Variants in SNRPN observed in about 807,000 individuals in gnomAD.
SNRPN encodes small nuclear ribonucleoprotein-associated protein N.
SNRPN carries 7 observed loss-of-function variants against 25.2 expected under a neutral mutation model. The ratio of observed to expected loss-of-function variants is 0.28; its 90% CI spans 0.16 to 0.52. The LOEUF (loss-of-function observed/expected upper bound fraction) is 0.52, where lower values mean the gene tolerates loss of function less well. Among genes scored for constraint, SNRPN ranks in the 20% least tolerant of loss-of-function variants. The pLI, the probability that SNRPN is intolerant of heterozygous loss-of-function variation, is 0.96. For missense variants in SNRPN, 196 were observed against 322.5 expected (o/e 0.61, Z 3.00); for synonymous variants, 124 against 110.6 (o/e 1.12, Z -0.76).
chr15:24,938,889 A>T (rs2061393415), intron 3 of SNRPN, among the ~76,000 whole-genome samples: 1 of 152,154 alleles, frequency 6.6e-6, no homozygotes, highest in African/African-American at 2.4e-5. Context: ...TGGGCTACAG[A>T]CTGGGATTGG....
intron 1 of SNRPN, among the ~76,000 whole-genome samples, chr15:24,876,685 T>A (rs902653583): frequency 6.6e-5 from 10 of 151,274 alleles, no homozygotes; most frequent in African/African-American, 2.4e-4. Flanking sequence ...ACAAAATGCA[T>A]GAGCATACAA....
intron 1 of SNRPN, among the ~76,000 whole-genome samples, chr15:24,878,183 C>T (rs1446958045): frequency 6.6e-6 from 1 of 152,212 alleles, no homozygotes; most frequent in South Asian, 2.1e-4. Flanking sequence ...TTCTTTAAAA[C>T]GCTTTCCAAT....
At chr15:24,954,627 G>A (rs1045153963), upstream of SNRPN, among the ~76,000 whole-genome samples, 3 of 152,194 alleles carry the variant, frequency 2.0e-5, no homozygotes, top group Admixed American at 6.5e-5. Context: ...TTTTTGTACC[G>A]CACATAGGAA....
At chr15:24,856,437 C>G (rs979347006), upstream of SNRPN, 1 of 152,268 alleles carries the variant, frequency 6.6e-6, no homozygotes, top group Non-Finnish European at 1.5e-5. Flanking sequence ...CCAGCAACCA[C>G]CAGAGGTGGC....
chr15:24,942,224 A>G (rs906457280), intron 3 of SNRPN: 1 of 152,192 alleles, frequency 6.6e-6, no homozygotes, highest in Admixed American at 6.5e-5. Context: ...TTGGTCAACT[A>G]GGGATATTTG....
At chr15:24,848,446 C>G (rs946125126) in intron 2 of SNRPN, 1 of 152,086 alleles carries the variant, frequency 6.6e-6, no homozygotes, top group Non-Finnish European at 1.5e-5. Flanking sequence ...TAAAATTTTC[C>G]TCTCTAGGTT....
chr15:24,843,816 C>CACACACACAG (rs1274107985), intron 2 of SNRPN, among the ~76,000 whole-genome samples: 1 of 149,794 alleles, frequency 6.7e-6, no homozygotes, highest in African/African-American at 2.5e-5. Context: ...CACACACACA[C>CACACACACAG]AGAAAACTTA....
rs192842977 is a variant in SNRPN at position 24,834,855 on chromosome 15, G to A, written c.-579+4950G>A. 3.3e-3 allele frequency among the ~76,000 whole-genome samples: 461 copies of A among 138,164 alleles called. 18 individuals carry two copies. The East Asian group carries it at 0.075, about 23-fold the overall frequency. 90.6% of individuals were successfully genotyped at this position (138,164 alleles called of 152,430 possible). A position where few individuals can be genotyped will look rare whatever the true frequency, so the allele number is the denominator to read the frequency against. ...GCAGGAGAATCGCTTGAATCTGGTA[G>A]GTGGAGGTTAAAGTGAGCTGAGAGT... On this transcript the variant is annotated intron_variant, in intron 2 of 12. Coordinates refer to the SNRPN transcript ENST00000400100.
intron 1 of SNRPN, among the ~76,000 whole-genome samples, chr15:24,870,154 A>T (rs1410575416): frequency 1.3e-5 from 2 of 152,132 alleles, no homozygotes; most frequent in Admixed American, 6.5e-5. Flanking sequence ...CAGGCACTAC[A>T]GGGTCCTCCA....
At chr15:24,957,313 G>C (rs555979338) in intron 1 of SNRPN, among the ~76,000 whole-genome samples, 12 of 152,274 alleles carry the variant, frequency 7.9e-5, no homozygotes, top group Admixed American at 4.6e-4. Context: ...AAAGCTGCAA[G>C]TTTTGTGCTC....
At chr15:24,871,243 A>G (rs767266457) in intron 1 of SNRPN, among the ~76,000 whole-genome samples, 9 of 151,916 alleles carry the variant, frequency 5.9e-5, no homozygotes, top group Admixed American at 5.9e-4. Flanking sequence ...TTGTATTATA[A>G]AGTTATGCAG....
chr15:24,930,460 A>G (rs1350861793), intron 3 of SNRPN, among the ~76,000 whole-genome samples: 2 of 151,860 alleles, frequency 1.3e-5, no homozygotes, highest in East Asian at 3.9e-4. Context: ...CCTTATTAGA[A>G]CTCAGCTTTG....
In SNRPN at chr15:24,888,786, C is replaced by T. The variant is rs951969532; in HGVS notation, c.-505+2197C>T. On this transcript the variant is annotated intron_variant, in intron 2 of 11. Coordinates refer to the SNRPN transcript ENST00000400097. ...AGTTTCCTCGTAAACACAAGAACAA[C>T]GTACTGCAATCAATGTAGGCATATA... Among the ~76,000 whole-genome samples, 27 of 152,286 alleles carry T rather than the reference C, an allele frequency of 1.8e-4. No homozygotes were observed. In the South Asian group the frequency reaches 3.7e-3, roughly 21 times the overall value.
intron 1 of SNRPN, among the ~76,000 whole-genome samples, chr15:24,880,888 G>A (rs2056512832): frequency 6.6e-6 from 1 of 152,038 alleles, no homozygotes; most frequent in South Asian, 2.1e-4. Flanking sequence ...CATTGCCCAG[G>A]CTGGTCTCGA....
rs2076818235 is a variant in SNRPN, at chr15:24,974,334, C to A, written c.-120C>A. The stretch of plus-strand genomic sequence containing the variant: ...AGGCTCCATCTACTCTTTGAAGCTT[C>A]TGCCCAGCTTGCATTGTTTCTAGGA... On this transcript the variant is annotated 5_prime_UTR_variant, in exon 4 of 10. In the 5' UTR this introduces an upstream ATG that the reference lacks. Transcript: ENST00000390687. 1 of 881,870 alleles carries A rather than the reference C, an allele frequency of 1.1e-6. No homozygotes were observed. Among genetic ancestry groups the A allele is most frequent in the Admixed American group, 1.7e-5 (1 of 57,644 alleles). The allele number at this position is 881,870 out of a possible 1,614,324, so 54.6% of individuals were successfully genotyped here.
rs116905609 is a variant in SNRPN at position 24,965,394 on chromosome 15, G to A, written c.-294-2538G>A. On this transcript the variant is annotated intron_variant, in intron 2 of 9. Coordinates refer to ENST00000390687, the MANE Select transcript of SNRPN (RefSeq NM_003097.6). ...CTCTAGAAAAATAAAAAAATCAGCC[G>A]GGTGTGGTAGTGTGCACCTGTAATC... Among the ~76,000 whole-genome samples the A allele has an allele frequency of 4.6e-5, 7 of 152,172 alleles. No individual in the cohort carries two copies. The South Asian group carries it at 6.2e-4, about 14-fold the overall frequency.
At chr15:24,848,225 C>CGGCGGCGGGGGCGGGGGG (rs2052393197) in intron 2 of SNRPN, 1 of 33,236 alleles carries the variant, frequency 3.0e-5, no homozygotes, top group Non-Finnish European at 5.9e-5. Flanking sequence ...GGGGCGGGGG[C>CGGCGGCGGGGGCGGGGGG]GGCGGTGGGG....
intron 2 of SNRPN, among the ~76,000 whole-genome samples, chr15:24,902,936 T>A (rs1429505923): frequency 6.6e-6 from 1 of 152,198 alleles, no homozygotes; most frequent in Non-Finnish European, 1.5e-5. Context: ...CCAGCTTTTA[T>A]TCCCTTATTT....
chr15:24,878,517 C>T (rs1303413797), intron 1 of SNRPN, among the ~76,000 whole-genome samples: 11 of 152,206 alleles, frequency 7.2e-5, no homozygotes, highest in Admixed American at 1.3e-4. Flanking sequence ...TGGCGCCCGC[C>T]GGGAGTCTCC....
Sources: gnomAD v4.1 joint callset for allele counts (sites outside exome capture counted in the v4.1 genomes callset) on GRCh38, gnomAD v4.1.1 for gene constraint, MANE v1.5 for transcripts, NCBI Gene and HGNC (gene_info 2026-07-23, HGNC 2026-07-21) for gene names.